The following BTAF1 variants were observed in gnomAD, a reference collection of about 807,000 sequenced individuals.
The protein encoded by BTAF1 is B-TFIID TATA-box binding protein associated factor 1.
BTAF1 carries 38 observed loss-of-function variants against 227.1 expected under a neutral mutation model. That is an observed-to-expected ratio of 0.17 (90% CI 0.13 to 0.22). The LOEUF (loss-of-function observed/expected upper bound fraction) is 0.22. BTAF1 is among the 10% of genes least tolerant of loss of function. The probability of loss-of-function intolerance (pLI) is 1.00; values close to 1 mark genes in which losing one functional copy is unlikely to be tolerated. For synonymous variants in BTAF1, 742 were observed against 751.9 expected (o/e 0.99, Z 0.21); for missense variants, 1,598 against 2,204.0 (o/e 0.73, Z 5.51).
intron 4 of BTAF1, 29 bp downstream of exon 4, chr10:91,942,597 A>G (rs1219040565): frequency 6.2e-7 from 1 of 1,610,116 alleles, no homozygotes; most frequent in Admixed American, 1.7e-5. Context: ...AAGAAAGTCT[A>G]AAATTTGTTT....
At chr10:91,928,760 T>TCCCCCCCCCCCC (rs60208547) in intron 1 of BTAF1, among the ~76,000 whole-genome samples, 1 of 111,848 alleles carries the variant, frequency 8.9e-6, no homozygotes, top group African/African-American at 4.3e-5. Context: ...CAAGAATCCA[T>TCCCCCCCCCCCC]CCCCCCCCCC....
Position 91,994,786 on chromosome 10 carries a change from T to G in BTAF1, c.3309+142T>G, listed in dbSNP as rs833384. ...TGCTGTGGTATAACTAGATTCCTCC[T>G]TTACTAACAGTGCAACTCCTGTGGG... is the stretch of plus-strand genomic sequence containing the variant. On this transcript the variant is annotated intron_variant, in intron 23 of 37. Transcript: ENST00000265990. 0.36 allele frequency: 226,072 copies of G among 634,320 alleles called. 44,644 individuals carry two copies. Among genetic ancestry groups the G allele is most frequent in the South Asian group, 0.5 (23,481 of 46,590 alleles). 39.3% of individuals were successfully genotyped at this position (634,320 alleles called of 1,614,324 possible). A position where few individuals can be genotyped will look rare whatever the true frequency, so the allele number is the denominator to read the frequency against.
At chr10:92,028,766 T>A (rs748546923) in intron 37 of BTAF1, 24 bp from the exon 38 acceptor site, 34 of 1,576,588 alleles carry the variant, frequency 2.2e-5, no homozygotes, top group Middle Eastern at 3.4e-4. Flanking sequence ...TTTATTTTTT[T>A]TTTTTTTGCC....
intron 20 of BTAF1, among the ~76,000 whole-genome samples, chr10:91,991,265 A>ATAT (rs1848715390): frequency 4.4e-5 from 4 of 90,088 alleles, no homozygotes; most frequent in Non-Finnish European, 7.1e-5. Context: ...TATAAATATA[A>ATAT]ATATAAATAT....
chr10:92,011,247 C>T, intron 29 of BTAF1, 39 bp from the exon 30 acceptor site: 2 of 1,500,330 alleles, frequency 1.3e-6, no homozygotes, highest in Non-Finnish European at 1.8e-6. Flanking sequence ...TCCTGACATA[C>T]AGCAAAAGTT....
At chr10:92,021,005 G>A (rs1038399292) in intron 34 of BTAF1, among the ~76,000 whole-genome samples, 2 of 152,090 alleles carry the variant, frequency 1.3e-5, no homozygotes, top group Admixed American at 6.6e-5. Flanking sequence ...TTTTCTGGCT[G>A]TCCTCACGGA....
At position 92,018,825 on chromosome 10, in the gene BTAF1, G is replaced by A. The variant is rs573399641; in HGVS notation, c.4753G>A (p.Val1585Ile). 3 of 1,608,826 alleles carry A rather than the reference G, an allele frequency of 1.9e-6. No individual in the cohort carries two copies. Among genetic ancestry groups the A allele is most frequent in the Admixed American group, 1.7e-5 (1 of 58,414 alleles). ...TAAACTGTGCAACCATCCAGCATTAGTCTTAACACCTCAACATCCAGAATT... is the reference window on the plus strand; with the variant it reads ...TAAACTGTGCAACCATCCAGCATTAATCTTAACACCTCAACATCCAGAATT... ...LRKLCNHPAL[V>I]LTPQHPEFKT... The change falls in exon 34 of 38, where the codon GTC (valine) becomes ATC (isoleucine). Residue 1585 changes from valine to isoleucine, a missense_variant. Around this residue, in one of 10 missense-constraint regions of BTAF1, gnomAD observed 205 missense variants for 244.5 expected, o/e 0.84. Transcript: ENST00000265990.
intron 7 of BTAF1, among the ~76,000 whole-genome samples, chr10:91,956,904 C>T (rs1431987035): frequency 1.3e-5 from 2 of 151,974 alleles, no homozygotes; most frequent in South Asian, 2.1e-4. Context: ...GTAGGAGAAT[C>T]GCTTGAACCC....
intron 4 of BTAF1, among the ~76,000 whole-genome samples, chr10:91,945,373 C>T (rs1202273328): frequency 6.6e-6 from 1 of 152,140 alleles, no homozygotes; most frequent in East Asian, 1.9e-4. Flanking sequence ...AGTACAGTCA[C>T]ATTGTTGTGC....
In BTAF1 at chr10:91,982,191, T is replaced by C; in HGVS notation, c.2014T>C (p.Phe672Leu). 1 of 1,613,900 alleles carries C rather than the reference T, an allele frequency of 6.2e-7. No homozygotes were observed. Among genetic ancestry groups the C allele is most frequent in the South Asian group, 1.1e-5 (1 of 91,068 alleles). The change falls in exon 17 of 38, where the codon TTT becomes CTT. Residue 672 changes from phenylalanine (F) to leucine (L), a missense_variant. Transcript: ENST00000265990. The stretch of plus-strand genomic sequence containing the variant: ...CATGGAAGACCCAGCCACCAGGGAT[T>C]TTGTAGTTATGCGGGCCAGAATGAT... ...TIMEDPATRD[F>L]VVMRARMMAA...
Position 92,024,936 on chromosome 10 carries a change from C to G in BTAF1, c.5044C>G (p.Pro1682Ala), listed in dbSNP as rs774292625. Residue 1682 changes from proline (P) to alanine (A), a missense_variant, in exon 35 of 38, where the codon CCT (proline) becomes GCT (alanine). By Grantham distance (27) the Pro-to-Ala change is conservative (BLOSUM62 -1). Around this residue, in one of 10 missense-constraint regions of BTAF1, gnomAD observed 205 missense variants for 244.5 expected, o/e 0.84. Transcript: ENST00000265990. The stretch of plus-strand genomic sequence containing the variant: ...TTATTTGAGATTAGATGGCAGCATA[C>G]CTCCTGGTCAGAGGCATTCCATTGT... ...VTYLRLDGSIPPGQRHSIVSR... is the reference protein window; with the variant it reads ...VTYLRLDGSIAPGQRHSIVSR... 1.9e-6 allele frequency: 3 copies of G among 1,614,038 alleles called. No homozygotes were observed. The highest frequency in any genetic ancestry group is 2.5e-6 in the Non-Finnish European group (3 of 1,179,980).
At chr10:91,948,456 C>T (rs866656682) in intron 4 of BTAF1, among the ~76,000 whole-genome samples, 3 of 151,084 alleles carry the variant, frequency 2.0e-5, no homozygotes, top group Admixed American at 6.6e-5. Context: ...GTGATATGAT[C>T]GTAGCTCAGT....
chr10:91,992,055 A>G, intron 20 of BTAF1, 64 bp from the exon 21 acceptor site: 1 of 1,331,264 alleles, frequency 7.5e-7, no homozygotes, highest in Non-Finnish European at 1.0e-6. Flanking sequence ...TCTCTTATGG[A>G]GCTGAAAACA....
At chr10:91,940,880 T>G (rs1844945904) in intron 3 of BTAF1, among the ~76,000 whole-genome samples, 1 of 151,624 alleles carries the variant, frequency 6.6e-6, no homozygotes, top group South Asian at 2.1e-4. Context: ...GATTGGGTTT[T>G]GCTTTGTTGG....
At chr10:91,992,362 CT>C in intron 21 of BTAF1, 53 bp downstream of exon 21, 1 of 1,452,588 alleles carries the variant, frequency 6.9e-7, no homozygotes, top group East Asian at 2.3e-5. Context: ...AAATATCTGA[CT>C]TACAAATTGA....
rs770373034 is a variant in BTAF1, at chr10:92,016,436, A to G, written c.4681A>G (p.Lys1561Glu). 1.1e-5 allele frequency: 18 copies of G among 1,586,398 alleles called. No individual in the cohort carries two copies. The East Asian group carries it at 4.1e-4, about 36-fold the overall frequency. Reference sequence around the variant, plus strand: ...ACTTTCTGAAGAAACTGAAAAACCAAAGCTTAAAGCTACAGGCCACGTATT... The same window carrying G: ...ACTTTCTGAAGAAACTGAAAAACCAGAGCTTAAAGCTACAGGCCACGTATT... ...ATLSEETEKPKLKATGHVFQA... is the reference protein window; with the variant it reads ...ATLSEETEKPELKATGHVFQA... The change falls in exon 33 of 38, where the codon AAG becomes GAG. Residue 1561 changes from lysine to glutamate, a missense_variant. Lys to Glu is a moderately conservative substitution (Grantham distance 56). This residue lies in a region of BTAF1 where 205 missense variants were observed against 244.5 expected (regional missense o/e 0.84). Coordinates refer to ENST00000265990, the MANE Select transcript of BTAF1 (RefSeq NM_003972.3).
intron 30 of BTAF1, among the ~76,000 whole-genome samples, chr10:92,013,359 C>G (rs570971701): frequency 2.0e-5 from 3 of 152,092 alleles, no homozygotes; most frequent in Non-Finnish European, 4.4e-5. Flanking sequence ...TCAAAATAAT[C>G]AGAAAGTTAT....
Position 92,009,042 on chromosome 10 carries a change from G to A in BTAF1, c.3937G>A (p.Ala1313Thr), listed in dbSNP as rs377099360. 14 of 1,613,980 alleles carry A rather than the reference G, an allele frequency of 8.7e-6. No individual in the cohort carries two copies. In the African/African-American group the frequency reaches 1.1e-4, roughly 12 times the overall value. The change falls in exon 28 of 38, where the codon GCC becomes ACC. Residue 1313 changes from alanine to threonine, a missense_variant and splice_region_variant. Coordinates refer to ENST00000265990, the MANE Select transcript of BTAF1 (RefSeq NM_003972.3). Reference sequence around the variant, plus strand: ...TTATTGTGTTTTGCTATTGTAAAGGGCCCAGGAATATGCAAGATCAAAATT... The same window carrying A: ...TTATTGTGTTTTGCTATTGTAAAGGACCCAGGAATATGCAAGATCAAAATT... Reference protein sequence around the residue: ...CILAGDHCHRAQEYARSKLAE... With the variant: ...CILAGDHCHRTQEYARSKLAE...
At chr10:91,931,925 G>A (rs997489258) in intron 1 of BTAF1, among the ~76,000 whole-genome samples, 18 of 152,136 alleles carry the variant, frequency 1.2e-4, no homozygotes, top group Admixed American at 1.0e-3. Flanking sequence ...ATTCAGGGAG[G>A]CAATTTTGGT....
Sources: allele counts gnomAD v4.1 joint callset (sites outside exome capture counted in the v4.1 genomes callset), GRCh38; gene constraint gnomAD v4.1.1; regional missense constraint gnomAD v4.1.1; transcripts MANE v1.5; gene names NCBI Gene and HGNC (gene_info 2026-07-23, HGNC 2026-07-21).